SLC71A1: variants seen among roughly 807,000 people sequenced by gnomAD.
SLC71A1 encodes solute carrier family 71 member 1, also known as hippocampus abundant gene transcript 1.
At chr1:100,068,142 C>G in the SLC71A1 span, 1 of 1,614,148 alleles carries the variant, frequency 6.2e-7, no homozygotes, top group Non-Finnish European at 8.5e-7. Flanking sequence ...TGAGAAAATG[C>G]GGCCAGCATC....
chr1:100,060,616 A>G, the SLC71A1 span, among the ~76,000 whole-genome samples: 1 of 152,112 alleles, frequency 6.6e-6, no homozygotes, highest in East Asian at 1.9e-4. Flanking sequence ...TAAGAAGAGC[A>G]CATCACCTTC....
the SLC71A1 span, among the ~76,000 whole-genome samples, chr1:100,077,832 A>C: frequency 7.2e-5 from 11 of 152,128 alleles, no homozygotes; most frequent in Admixed American, 2.6e-4. Flanking sequence ...GCATTATGGC[A>C]CTGAACTCCA....
At chr1:100,062,929 A>G in the SLC71A1 span, among the ~76,000 whole-genome samples, 1 of 151,522 alleles carries the variant, frequency 6.6e-6, no homozygotes, top group East Asian at 1.9e-4. Flanking sequence ...AAAAAAAAAA[A>G]AAAAAAGTGA....
the SLC71A1 span, chr1:100,069,780 C>CA: frequency 2.5e-6 from 2 of 797,462 alleles, no homozygotes; most frequent in Non-Finnish European, 4.4e-6. Flanking sequence ...GTGGAATCAA[C>CA]AAAGTCAGGA....
At chr1:100,059,141 C>T in the SLC71A1 span, among the ~76,000 whole-genome samples, 6 of 92,898 alleles carry the variant, frequency 6.5e-5, no homozygotes, top group South Asian at 6.2e-4. Context: ...CTTTCTTTTT[C>T]GTGTTTTTTT....
chr1:100,079,565 A>C, the SLC71A1 span: 1 of 152,206 alleles, frequency 6.6e-6, no homozygotes, highest in African/African-American at 2.4e-5. Context: ...AAAAGAGAGA[A>C]ACAAAAATCA....
chr1:100,052,418 A>G, the SLC71A1 span, among the ~76,000 whole-genome samples: 2 of 145,228 alleles, frequency 1.4e-5, no homozygotes, highest in Admixed American at 6.8e-5. Flanking sequence ...TGTGCTTAAT[A>G]TATTCCTTTT....
chr1:100,069,161 G>C, the SLC71A1 span, among the ~76,000 whole-genome samples: 1 of 152,164 alleles, frequency 6.6e-6, no homozygotes, highest in Non-Finnish European at 1.5e-5. Flanking sequence ...GTTTGAGTTT[G>C]TTGGCTATAG....
the SLC71A1 span, among the ~76,000 whole-genome samples, chr1:100,049,099 T>C: frequency 1.3e-5 from 2 of 152,240 alleles, no homozygotes; most frequent in Non-Finnish European, 2.9e-5. Context: ...AGCTTCCTTT[T>C]AGATGCGCTT....
chr1:100,044,591 C>T, the SLC71A1 span, among the ~76,000 whole-genome samples: 2 of 150,796 alleles, frequency 1.3e-5, no homozygotes, highest in African/African-American at 2.5e-5. Context: ...TCTTGGCTCC[C>T]TGCAACCTCT....
the SLC71A1 span, chr1:100,077,294 TA>T: frequency 8.1e-7 from 1 of 1,230,608 alleles, no homozygotes; most frequent in Non-Finnish European, 1.2e-6. Context: ...ATAAATATTT[TA>T]ATGTTAATAT....
the SLC71A1 span, among the ~76,000 whole-genome samples, chr1:100,047,217 T>C: frequency 6.6e-6 from 1 of 152,354 alleles, no homozygotes; most frequent in East Asian, 1.9e-4. Flanking sequence ...TTTTATCATA[T>C]TGAGGTATGT....
chr1:100,078,395 C>T, the SLC71A1 span: 1 of 1,136,526 alleles, frequency 8.8e-7, no homozygotes, highest in Non-Finnish European at 1.3e-6. Context: ...TGTAGTTTGA[C>T]TTTCAGGTAC....
chr1:100,047,285 T>G, the SLC71A1 span, among the ~76,000 whole-genome samples: 4 of 152,214 alleles, frequency 2.6e-5, no homozygotes, highest in Admixed American at 2.6e-4. Flanking sequence ...TAGTAAATGC[T>G]TTTTCATCAT....
the SLC71A1 span, among the ~76,000 whole-genome samples, chr1:100,063,659 G>T: frequency 5.3e-5 from 8 of 152,122 alleles, no homozygotes; most frequent in African/African-American, 1.7e-4. Flanking sequence ...AGCCAGGTGT[G>T]GTGGTGTGTG....
the SLC71A1 span, among the ~76,000 whole-genome samples, chr1:100,051,448 AT>A: frequency 1.8e-3 from 267 of 151,932 alleles, 2 homozygotes; most frequent in Admixed American, 3.4e-3. Flanking sequence ...CTATAAAAAA[AT>A]ATCAGAGGGT....
At chr1:100,051,099 A>C in the SLC71A1 span, among the ~76,000 whole-genome samples, 43 of 127,834 alleles carry the variant, frequency 3.4e-4, no homozygotes, top group African/African-American at 1.2e-3. Flanking sequence ...AAAAAAAAAC[A>C]AAAAAAAAAA....
the SLC71A1 span, chr1:100,058,605 T>C: frequency 2.3e-6 from 2 of 888,302 alleles, no homozygotes; most frequent in Non-Finnish European, 3.7e-6. Flanking sequence ...AAGGTAAATG[T>C]AGAAATTTTA....
chr1:100,052,731 A>C, the SLC71A1 span, among the ~76,000 whole-genome samples: 1 of 149,458 alleles, frequency 6.7e-6, no homozygotes, highest in Non-Finnish European at 1.5e-5. Context: ...TGCCTGGCCA[A>C]TATATTCTTA....
Sources: allele counts gnomAD v4.1 joint callset (sites outside exome capture counted in the v4.1 genomes callset), GRCh38; gene constraint gnomAD v4.1.1; transcripts MANE v1.5; gene names NCBI Gene and HGNC (gene_info 2026-07-23, HGNC 2026-07-21).